The following CCSER1 variants were observed in gnomAD, a reference collection of about 807,000 sequenced individuals.
CCSER1 encodes the protein coiled-coil serine rich protein 1, also known as serine-rich coiled-coil domain-containing protein 1.
CCSER1 carries 41 observed loss-of-function variants against 82.0 expected under a neutral mutation model. The ratio of observed to expected loss-of-function variants is 0.50; its 90% CI spans 0.39 to 0.65. The LOEUF (loss-of-function observed/expected upper bound fraction) is 0.65, where lower values mean the gene tolerates loss of function less well. Among genes scored for constraint, CCSER1 ranks in the 30% least tolerant of loss-of-function variants. CCSER1 has a pLI of 0.00. For synonymous variants in CCSER1, 414 were observed against 383.9 expected (o/e 1.08, Z -0.92); for missense variants, 1,119 against 1,064.2 (o/e 1.05, Z -0.72).
At chr4:90,769,377 C>CTGAT (rs1438606166) in intron 7 of CCSER1, among the ~76,000 whole-genome samples, 1 of 152,080 alleles carries the variant, frequency 6.6e-6, no homozygotes, top group Non-Finnish European at 1.5e-5. Flanking sequence ...CAGAATTATG[C>CTGAT]TGATAGGGAG....
chr4:90,146,040 C>A (rs1725744076), intron 1 of CCSER1, among the ~76,000 whole-genome samples: 1 of 151,988 alleles, frequency 6.6e-6, no homozygotes, highest in South Asian at 2.1e-4. Flanking sequence ...AATACTCTTA[C>A]CTTCCCAAGA....
rs763580259 is a variant in CCSER1 at position 90,395,662 on chromosome 4, CT to C, written c.1510-4360del. On this transcript the variant is annotated intron_variant, in intron 3 of 10. Coordinates refer to ENST00000509176, the MANE Select transcript of CCSER1 (RefSeq NM_001145065.2). ...CTCTACTTGCTATGTGCTCTTATGT[CT>C]TTTTTTTTTTTTTAAGTTAAAGCCC... 1.0e-2 allele frequency among the ~76,000 whole-genome samples: 1,400 copies of C among 140,440 alleles called. 3 individuals are homozygous for C. Among genetic ancestry groups the C allele is most frequent in the South Asian group, 0.029 (129 of 4,408 alleles). 92.1% of individuals were successfully genotyped at this position (140,440 alleles called of 152,430 possible).
chr4:90,564,064 T>C (rs2153649494), intron 5 of CCSER1, among the ~76,000 whole-genome samples: 1 of 152,366 alleles, frequency 6.6e-6, no homozygotes, highest in South Asian at 2.1e-4. Flanking sequence ...CACATACCTA[T>C]TGATTTGTAT....
chr4:90,898,731 T>C (rs115808902), intron 8 of CCSER1, among the ~76,000 whole-genome samples: 158 of 152,164 alleles, frequency 1.0e-3, no homozygotes, highest in African/African-American at 3.7e-3. Flanking sequence ...TATTTTTGTA[T>C]ACTTGGTTGA....
intron 10 of CCSER1, among the ~76,000 whole-genome samples, chr4:91,442,009 A>G (rs1431422508): frequency 6.6e-6 from 1 of 152,194 alleles, no homozygotes; most frequent in Non-Finnish European, 1.5e-5. Flanking sequence ...ATGCTCATGG[A>G]TAGGAAGAAT....
At chr4:90,229,557 A>G (rs572098182) in intron 1 of CCSER1, among the ~76,000 whole-genome samples, 3 of 152,294 alleles carry the variant, frequency 2.0e-5, no homozygotes, top group South Asian at 2.1e-4. Context: ...AAGAAACTGC[A>G]TGAACTAATG....
At chr4:91,226,093 GT>G (rs1738181660) in intron 10 of CCSER1, among the ~76,000 whole-genome samples, 1 of 151,908 alleles carries the variant, frequency 6.6e-6, no homozygotes, top group Admixed American at 6.6e-5. Flanking sequence ...CGATGTTGGT[GT>G]GCTGCACCCA....
chr4:90,355,937 G>A (rs950864721), intron 3 of CCSER1, among the ~76,000 whole-genome samples: 1 of 151,880 alleles, frequency 6.6e-6, no homozygotes, highest in East Asian at 1.9e-4. Flanking sequence ...GTTAGAAATA[G>A]GCAAATGTGA....
chr4:90,461,684 C>T (rs892922452), intron 4 of CCSER1, among the ~76,000 whole-genome samples: 1 of 152,144 alleles, frequency 6.6e-6, no homozygotes, highest in African/African-American at 2.4e-5. Context: ...CCATGCCTCA[C>T]TTCACTTTTC....
intron 9 of CCSER1, among the ~76,000 whole-genome samples, chr4:90,995,935 A>T (rs1435435373): frequency 5.3e-5 from 8 of 152,234 alleles, no homozygotes. Flanking sequence ...TATATGTATA[A>T]GCATCACCTC....
chr4:90,604,439 C>A (rs1784380186), intron 5 of CCSER1, among the ~76,000 whole-genome samples: 1 of 152,178 alleles, frequency 6.6e-6, no homozygotes, highest in Non-Finnish European at 1.5e-5. Context: ...TTCAATTCAG[C>A]TCTTTAAATT....
intron 10 of CCSER1, among the ~76,000 whole-genome samples, chr4:91,444,259 A>G (rs1355647083): frequency 6.6e-6 from 1 of 152,198 alleles, no homozygotes; most frequent in Non-Finnish European, 1.5e-5. Context: ...AGCCACTTAG[A>G]ACAAGGAGCA....
At chr4:91,408,186 G>T (rs991149689) in intron 10 of CCSER1, among the ~76,000 whole-genome samples, 2 of 152,134 alleles carry the variant, frequency 1.3e-5, no homozygotes, top group African/African-American at 4.8e-5. Flanking sequence ...AAATTGAAAT[G>T]GAAAACAAAA....
chr4:90,777,233 TGTAATCC>T, intron 7 of CCSER1, among the ~76,000 whole-genome samples: 1 of 151,314 alleles, frequency 6.6e-6, no homozygotes, highest in South Asian at 2.1e-4. Context: ...GGTGGGCGCC[TGTAATCC>T]CAGCTACTTG....
rs762964853 is a variant in CCSER1 at position 90,308,708 on chromosome 4, TC to T, written c.425del (p.Ser142Ter). 8.1e-6 allele frequency: 13 copies of T among 1,613,436 alleles called. No individual in the cohort carries two copies. The highest frequency in any genetic ancestry group is 1.3e-5 in the African/African-American group (1 of 74,916). On this transcript the variant is annotated frameshift_variant, in exon 2 of 11. Transcript: ENST00000509176. LOFTEE classifies it high-confidence loss of function. ...GGATTTTGAAAGGGAAAAAGAGCAC[TC>T]AACTAACAAGAATGTCTTTATAAAT... The part of the protein sequence containing the change: ...TEDFEREKEH[S>X]TNKNVFINCL...
chr4:90,858,054 A>T (rs932347659), intron 8 of CCSER1, among the ~76,000 whole-genome samples: 1 of 152,050 alleles, frequency 6.6e-6, no homozygotes, highest in African/African-American at 2.4e-5. Context: ...ACAGATAGCC[A>T]TTTCCCACAT....
At chr4:90,961,527 A>G (rs1299822292) in intron 9 of CCSER1, among the ~76,000 whole-genome samples, 2 of 152,288 alleles carry the variant, frequency 1.3e-5, no homozygotes, top group South Asian at 2.1e-4. Context: ...AAAGCAAAAG[A>G]AAATGTTTCA....
chr4:90,945,898 A>G (rs1044414253), intron 9 of CCSER1, among the ~76,000 whole-genome samples: 2 of 152,184 alleles, frequency 1.3e-5, no homozygotes, highest in African/African-American at 2.4e-5. Flanking sequence ...CACGAAAGCT[A>G]TAAAGTAATT....
chr4:91,537,607 T>TA, intron 10 of CCSER1, among the ~76,000 whole-genome samples: 1 of 152,140 alleles, frequency 6.6e-6, no homozygotes, highest in Non-Finnish European at 1.5e-5. Context: ...AAGTCATATA[T>TA]ATTTAGGGAC....
Sources: allele counts gnomAD v4.1 joint callset (sites outside exome capture counted in the v4.1 genomes callset), GRCh38; gene constraint gnomAD v4.1.1; transcripts MANE v1.5; gene names NCBI Gene and HGNC (gene_info 2026-07-23, HGNC 2026-07-21).